PCDHGB6: variants seen among roughly 807,000 people sequenced by gnomAD.
PCDHGB6 encodes the protein protocadherin gamma subfamily B, 6, also known as protocadherin gamma-B6.
In PCDHGB6, 51 loss-of-function variants were observed where a neutral mutation model predicts 59.1. The ratio of observed to expected loss-of-function variants is 0.86; its 90% confidence interval spans 0.69 to 1.09. PCDHGB6 has a LOEUF of 1.09. Ranked by LOEUF, PCDHGB6 falls within the 50% of genes least tolerant of loss-of-function variation. The pLI is 0.00. For missense variants in PCDHGB6, 1,148 were observed against 1,205.1 expected (o/e 0.95, Z 0.70); for synonymous variants, 466 against 495.1 (o/e 0.94, Z 0.78).
Position 141,423,756 on chromosome 5 carries a change from G to GA in PCDHGB6, c.2418+13136_2418+13137insA. ...GCCTGTTATGAAAACTGTTTGGGGGGGGGGTGGGGCGGCATATATTTAGTT... is the reference window on the plus strand; with the variant it reads ...GCCTGTTATGAAAACTGTTTGGGGGGAGGGGTGGGGCGGCATATATTTAGTT... On this transcript the variant is annotated intron_variant, in intron 1 of 3. Transcript: ENST00000520790. 2 of 448,622 alleles carry GA rather than the reference G, an allele frequency of 4.5e-6. 1 individual carries two copies. The highest frequency in any genetic ancestry group is 6.1e-6 in the Non-Finnish European group (2 of 329,708). 27.8% of individuals were successfully genotyped at this position (448,622 alleles called of 1,614,324 possible). A position where few individuals can be genotyped will look rare whatever the true frequency, so the allele number is the denominator to read the frequency against.
At chr5:141,498,551 C>T (rs749191535) in intron 2 of PCDHGB6, among the ~76,000 whole-genome samples, 2 of 151,950 alleles carry the variant, frequency 1.3e-5, no homozygotes, top group Non-Finnish European at 2.9e-5. Context: ...GTCAGACACA[C>T]CAGCTTCAAA....
chr5:141,422,472 G>A lies in PCDHGB6; in HGVS notation c.2418+11852G>A, dbSNP rs772474296. On this transcript the variant is annotated intron_variant, in intron 1 of 3. Transcript: ENST00000520790. ...CAAGCAGAGTGCTGGACAGGGAGTTGGTCCAGAGCTACAATATAACGTTGA... is the reference window on the plus strand; with the variant it reads ...CAAGCAGAGTGCTGGACAGGGAGTTAGTCCAGAGCTACAATATAACGTTGA... 75 of 1,613,562 alleles carry A rather than the reference G, an allele frequency of 4.6e-5. 3 individuals are homozygous for A. In the South Asian group the frequency reaches 8.1e-4, roughly 17 times the overall value.
At chr5:141,454,620 G>T (rs1028840158) in intron 1 of PCDHGB6, among the ~76,000 whole-genome samples, 1 of 151,520 alleles carries the variant, frequency 6.6e-6, no homozygotes, top group East Asian at 1.9e-4. Flanking sequence ...TGGTCAGGCT[G>T]GTCTCGAACC....
In PCDHGB6 at chr5:141,417,676, C is replaced by G. The variant is rs902104404; in HGVS notation, c.2418+7056C>G. The G allele has an allele frequency of 1.7e-5, 17 of 993,450 alleles. No individual in the cohort carries two copies. The African/African-American group carries it at 2.8e-4, about 16-fold the overall frequency. The allele number at this position is 993,450 out of a possible 1,614,324, so 61.5% of individuals were successfully genotyped here. ...AGCCTGGGATTCCCTGCGCAGCCAACAACAGAAAAGAAAACCAGCTCCCAC... is the reference window on the plus strand; with the variant it reads ...AGCCTGGGATTCCCTGCGCAGCCAAGAACAGAAAAGAAAACCAGCTCCCAC... On this transcript the variant is annotated intron_variant, in intron 1 of 3. Transcript: ENST00000520790.
At chr5:141,428,141 G>C (rs1314061143) in intron 1 of PCDHGB6, 2 of 1,596,500 alleles carry the variant, frequency 1.3e-6, no homozygotes, top group African/African-American at 2.7e-5. Context: ...GCCTGGGGCT[G>C]CACACGGGAA....
intron 1 of PCDHGB6, among the ~76,000 whole-genome samples, chr5:141,469,096 G>A (rs1191827174): frequency 6.6e-6 from 1 of 151,944 alleles, no homozygotes; most frequent in Non-Finnish European, 1.5e-5. Flanking sequence ...AGGCAACAAA[G>A]CAAGAACCTG....
At chr5:141,507,262 G>A (rs1294679320) in intron 3 of PCDHGB6, 6 of 151,748 alleles carry the variant, frequency 4.0e-5, no homozygotes, top group Non-Finnish European at 8.8e-5. Flanking sequence ...TAAACAGCAA[G>A]TACTATTTCA....
rs1390739125 is a variant in PCDHGB6 at position 141,490,094 on chromosome 5, C to T, written c.2419-4713C>T. ...CTAGACTATTCTTTTGGAGACCACA[C>T]ATCTGAGGCAGTGCGGAACCTCTTT... On this transcript the variant is annotated intron_variant, in intron 1 of 3. Coordinates refer to ENST00000520790, the MANE Select transcript of PCDHGB6 (RefSeq NM_018926.3). This position sits in a 1 kb window ranked among gnomAD's most constrained non-coding sequence, Gnocchi z 5.4. 1 of 1,614,250 alleles carries T rather than the reference C, an allele frequency of 6.2e-7. No individual in the cohort carries two copies. The highest frequency in any genetic ancestry group is 2.2e-5 in the East Asian group (1 of 44,888).
intron 1 of PCDHGB6, among the ~76,000 whole-genome samples, chr5:141,450,685 C>T (rs542985781): frequency 6.6e-6 from 1 of 152,020 alleles, no homozygotes; most frequent in South Asian, 2.1e-4. Context: ...CGGGGTTTTG[C>T]CATGTTGCCC....
Position 141,489,153 on chromosome 5 carries a change from G to T in PCDHGB6, c.2419-5654G>T. 1 of 935,828 alleles carries T rather than the reference G, an allele frequency of 1.1e-6. No individual in the cohort carries two copies. Among genetic ancestry groups the T allele is most frequent in the South Asian group, 1.8e-5 (1 of 55,006 alleles). 58.0% of individuals were successfully genotyped at this position (935,828 alleles called of 1,614,324 possible). A position where few individuals can be genotyped will look rare whatever the true frequency, so the allele number is the denominator to read the frequency against. Reference sequence around the variant, plus strand: ...TTTAAGAGGCTGGAAGGAGACATAAGAGACTTCAGCTGCTGCATTCCAAGC... The same window carrying T: ...TTTAAGAGGCTGGAAGGAGACATAATAGACTTCAGCTGCTGCATTCCAAGC... On this transcript the variant is annotated intron_variant, in intron 1 of 3. Transcript: ENST00000520790. The surrounding 1 kb of genome is among the most constrained non-coding windows in gnomAD (Gnocchi z 4.5).
chr5:141,509,499 T>C (rs895353804), intron 3 of PCDHGB6, among the ~76,000 whole-genome samples: 1 of 152,128 alleles, frequency 6.6e-6, no homozygotes, highest in Non-Finnish European at 1.5e-5. Flanking sequence ...GCATGCTGGA[T>C]GTGACGGTGT....
At chr5:141,473,010 AAAAG>A (rs1014377988) in intron 1 of PCDHGB6, among the ~76,000 whole-genome samples, 22 of 151,958 alleles carry the variant, frequency 1.4e-4, no homozygotes, top group Admixed American at 7.9e-4. Context: ...AAGAAAAAGA[AAAAG>A]AAAGAAGGAA....
chr5:141,489,342 A>G lies in PCDHGB6; in HGVS notation c.2419-5465A>G. 3.7e-6 allele frequency: 6 copies of G among 1,609,084 alleles called. No homozygotes were observed. The Middle Eastern group carries it at 6.6e-4, about 178-fold the overall frequency. On this transcript the variant is annotated intron_variant, in intron 1 of 3. Transcript: ENST00000520790. The surrounding 1 kb of genome is among the most constrained non-coding windows in gnomAD (Gnocchi z 4.5). ...GGGTGTCTGGGCAGCTTCGTTACTCAGTGGTGGAGGAGTCTGAGCCGGGGA... is the reference window on the plus strand; with the variant it reads ...GGGTGTCTGGGCAGCTTCGTTACTCGGTGGTGGAGGAGTCTGAGCCGGGGA...
rs558074504 is a variant in PCDHGB6 at position 141,489,065 on chromosome 5, C to A, written c.2419-5742C>A. ...CCACTCAAATTCAGCTCCCCTCCCCCCTGCCCACCCCCGCCACTCGGTGAC... is the reference window on the plus strand; with the variant it reads ...CCACTCAAATTCAGCTCCCCTCCCCACTGCCCACCCCCGCCACTCGGTGAC... On this transcript the variant is annotated intron_variant, in intron 1 of 3. Transcript: ENST00000520790. The surrounding 1 kb of genome is among the most constrained non-coding windows in gnomAD (Gnocchi z 4.5). 1,377 of 389,040 alleles carry A rather than the reference C, an allele frequency of 3.5e-3. 31 individuals carry two copies. Among genetic ancestry groups the A allele is most frequent in the Admixed American group, 9.8e-3 (226 of 22,946 alleles). 24.1% of individuals were successfully genotyped at this position (389,040 alleles called of 1,614,324 possible).
intron 1 of PCDHGB6, among the ~76,000 whole-genome samples, chr5:141,420,624 CTCAA>C (rs1561789527): frequency 1.3e-5 from 2 of 152,278 alleles, no homozygotes; most frequent in Admixed American, 1.3e-4. Context: ...TCTTCATTTA[CTCAA>C]TAAAGGAACC....
chr5:141,422,043 G>A (rs1307532347), intron 1 of PCDHGB6: 13 of 1,611,504 alleles, frequency 8.1e-6, no homozygotes, highest in African/African-American at 1.3e-5. Flanking sequence ...ATCCAGACGA[G>A]GGAATCAACG....
In PCDHGB6 at chr5:141,491,727, G is replaced by C; in HGVS notation, c.2419-3080G>C. On this transcript the variant is annotated intron_variant, in intron 1 of 3. Transcript: ENST00000520790. This position sits in a 1 kb window ranked among gnomAD's most constrained non-coding sequence, Gnocchi z 6.9. ...TGAGGGGCTCGGCGCCGCCCCGGGC[G>C]ACCCCTGGGGGCGGCACTGGAGAAG... 6.2e-7 allele frequency: 1 copy of C among 1,604,916 alleles called. No individual in the cohort carries two copies. The highest frequency in any genetic ancestry group is 8.5e-7 in the Non-Finnish European group (1 of 1,176,284).
At chr5:141,483,656 G>A (rs1345435222) in intron 1 of PCDHGB6, among the ~76,000 whole-genome samples, 1 of 151,984 alleles carries the variant, frequency 6.6e-6, no homozygotes, top group Non-Finnish European at 1.5e-5. Flanking sequence ...GTTTGTGTGT[G>A]TGTGTGTGTG....
chr5:141,425,695 T>C (rs1329762653), intron 1 of PCDHGB6, among the ~76,000 whole-genome samples: 1 of 152,232 alleles, frequency 6.6e-6, no homozygotes, highest in Non-Finnish European at 1.5e-5. Context: ...TATCATTTCA[T>C]AGTGGTCAAA....
Sources: gnomAD v4.1 joint callset for allele counts (sites outside exome capture counted in the v4.1 genomes callset) on GRCh38, gnomAD v4.1.1 for gene constraint, Gnocchi (gnomAD v3.1) non-coding constraint, MANE v1.5 for transcripts, NCBI Gene and HGNC (gene_info 2026-07-23, HGNC 2026-07-21) for gene names.